Variants in SMOX observed in about 807,000 individuals in gnomAD.
SMOX encodes the protein flavin containing amine oxidase.
SMOX carries 22 observed loss-of-function variants against 51.0 expected under a neutral mutation model. The ratio of observed to expected loss-of-function variants is 0.43; its 90% CI spans 0.31 to 0.62. The LOEUF is 0.62. Ranked by LOEUF, SMOX falls within the 20% of genes least tolerant of loss-of-function variation. The pLI, the probability that SMOX is intolerant of heterozygous loss-of-function variation, is 0.10. For missense variants in SMOX, 566 were observed against 777.7 expected (o/e 0.73, Z 3.24); for synonymous variants, 282 against 307.8 (o/e 0.92, Z 0.88).
chr20:4,174,113 G>T (rs1175479004), intron 1 of SMOX, among the ~76,000 whole-genome samples: 2 of 152,242 alleles, frequency 1.3e-5, no homozygotes, highest in Admixed American at 1.3e-4. Context: ...TAGCAGGCTT[G>T]TTGGATGCAG....
chr20:4,174,815 CCCTT>C (rs1978698254), intron 1 of SMOX, among the ~76,000 whole-genome samples: 1 of 152,190 alleles, frequency 6.6e-6, no homozygotes, highest in Non-Finnish European at 1.5e-5. Context: ...CTTTTCTCCT[CCCTT>C]CCTGCCACCT....
Position 4,166,261 on chromosome 20 carries a change from G to C in SMOX, c.-26-8769G>C, listed in dbSNP as rs895457420. 2.0e-5 allele frequency among the ~76,000 whole-genome samples: 3 copies of C among 152,128 alleles called. No individual in the cohort carries two copies. The highest frequency in any genetic ancestry group is 2.0e-4 in the Admixed American group (3 of 15,274). ...CCTGGGGAAGTAACTGCAGTACCAAGCTCTGTTCTGGCCCATCTCTACCTG... is the reference window on the plus strand; with the variant it reads ...CCTGGGGAAGTAACTGCAGTACCAACCTCTGTTCTGGCCCATCTCTACCTG... On this transcript the variant is annotated intron_variant, in intron 1 of 6. Transcript: ENST00000305958. This position sits in a 1 kb window ranked among gnomAD's most constrained non-coding sequence, Gnocchi z 4.2.
chr20:4,155,416 G>A (rs953597809), intron 1 of SMOX, among the ~76,000 whole-genome samples: 65 of 81,308 alleles, frequency 8.0e-4, no homozygotes, highest in African/African-American at 1.6e-3. Context: ...ACGTGGGAGT[G>A]GGGGGGGCCT....
rs1436184262 is a variant in SMOX, at chr20:4,167,752, C to A, written c.-26-7278C>A. ...CCCTGCTCTGTTCCCCACACCTGTA[C>A]CCCGATTCTCCCACCGTGGCAGCCC... On this transcript the variant is annotated intron_variant, in intron 1 of 6. Coordinates refer to ENST00000305958, the MANE Select transcript of SMOX (RefSeq NM_175839.3). The surrounding 1 kb of genome is among the most constrained non-coding windows in gnomAD (Gnocchi z 4.8). Among the ~76,000 whole-genome samples, 1 of 152,104 alleles carries A rather than the reference C, an allele frequency of 6.6e-6. No homozygotes were observed. Among genetic ancestry groups the A allele is most frequent in the Non-Finnish European group, 1.5e-5 (1 of 68,002 alleles).
chr20:4,181,823 G>A lies in SMOX; in HGVS notation c.456G>A (p.Glu152=), dbSNP rs373808331. The part of the protein sequence containing the change: ...LYNEVYNLTQ[E]FFRHDKPVNA... The stretch of plus-strand genomic sequence containing the variant: ...GGCAGGTCTATAACTTGACCCAGGA[G>A]TTCTTCCGGCACGATAAACCAGTCA... The change falls in exon 4 of 7, where the codon GAG becomes GAA. Residue 152 remains glutamate, a synonymous_variant. Transcript: ENST00000305958. This position sits in a 1 kb window ranked among gnomAD's most constrained non-coding sequence, Gnocchi z 5.6. 2.5e-6 allele frequency: 4 copies of A among 1,613,986 alleles called. No homozygotes were observed. Among genetic ancestry groups the A allele is most frequent in the Non-Finnish European group, 2.5e-6 (3 of 1,180,010 alleles).
At chr20:4,169,532 G>A (rs563521795) in intron 1 of SMOX, among the ~76,000 whole-genome samples, 4 of 152,184 alleles carry the variant, frequency 2.6e-5, no homozygotes, top group African/African-American at 4.8e-5. Flanking sequence ...GGGTTTGGCC[G>A]CGCTCACCTT....
Position 4,177,159 on chromosome 20 carries a change from T to TTA in SMOX, c.209-191_209-190dup, listed in dbSNP as rs1180686305. On this transcript the variant is annotated intron_variant, in intron 2 of 6. Transcript: ENST00000305958. This position sits in a 1 kb window ranked among gnomAD's most constrained non-coding sequence, Gnocchi z 4.3. ...AGAGTCATCCAAGGTGGCAGTTATC[T>TTA]TAGCTATAAGGTGGTTTTCAGTGGG... Among the ~76,000 whole-genome samples the TTA allele has an allele frequency of 6.6e-6, 1 of 152,244 alleles. No individual in the cohort carries two copies. Among genetic ancestry groups the TTA allele is most frequent in the African/African-American group, 2.4e-5 (1 of 41,460 alleles).
chr20:4,151,996 C>A (rs760761769), intron 1 of SMOX, among the ~76,000 whole-genome samples: 2 of 152,064 alleles, frequency 1.3e-5, no homozygotes, highest in Non-Finnish European at 2.9e-5. Flanking sequence ...TTCAAGTGAC[C>A]CTGAGGATTT....
chr20:4,151,599 A>G (rs891226103), intron 1 of SMOX, among the ~76,000 whole-genome samples: 1 of 151,968 alleles, frequency 6.6e-6, no homozygotes, highest in South Asian at 2.1e-4. Flanking sequence ...TGCTTGTGCT[A>G]TCTTTTCTGC....
rs2122549875 is a variant in SMOX at position 4,177,573 on chromosome 20, A to G, written c.431A>G (p.Asn144Ser). The change falls in exon 3 of 7, where the codon AAC becomes AGC. Residue 144 changes from asparagine to serine, a missense_variant. Asn to Ser is a conservative substitution (Grantham distance 46). Around this residue, in one of 3 missense-constraint regions of SMOX, gnomAD observed 217 missense variants for 278.4 expected, o/e 0.78. Coordinates refer to ENST00000305958, the MANE Select transcript of SMOX (RefSeq NM_175839.3). The surrounding 1 kb of genome is among the most constrained non-coding windows in gnomAD (Gnocchi z 4.3). ...DVVEEFSDLY[N>S]EVYNLTQEFF... ...GTTGAGGAATTCAGCGATTTATACA[A>G]CGAGGTAAGGTGTGAGCAGAGTAGC... is the stretch of plus-strand genomic sequence containing the variant. The G allele has an allele frequency of 3.2e-6, 5 of 1,584,384 alleles. No individual in the cohort carries two copies. Among genetic ancestry groups the G allele is most frequent in the Non-Finnish European group, 2.6e-6 (3 of 1,164,012 alleles).
At chr20:4,151,122 G>A (rs1333832485) in intron 1 of SMOX, among the ~76,000 whole-genome samples, 2 of 151,972 alleles carry the variant, frequency 1.3e-5, no homozygotes, top group Non-Finnish European at 2.9e-5. Context: ...GTGAACCACT[G>A]CGCCAGGCCC....
At chr20:4,169,787 C>A (rs531570302) in intron 1 of SMOX, among the ~76,000 whole-genome samples, 3 of 152,096 alleles carry the variant, frequency 2.0e-5, no homozygotes, top group Non-Finnish European at 4.4e-5. Context: ...ACACCCACCC[C>A]GAAATCACAC....
rs1418028535 is a variant in SMOX, at chr20:4,167,481, G to A, written c.-26-7549G>A. 6.6e-6 allele frequency among the ~76,000 whole-genome samples: 1 copy of A among 152,182 alleles called. No homozygotes were observed. The highest frequency in any genetic ancestry group is 1.5e-5 in the Non-Finnish European group (1 of 68,034). ...GTACCTATCCCCATTTTACGGATGGGAAAGCTTGAAGACCAAAGTGAGCCT... is the reference window on the plus strand; with the variant it reads ...GTACCTATCCCCATTTTACGGATGGAAAAGCTTGAAGACCAAAGTGAGCCT... On this transcript the variant is annotated intron_variant, in intron 1 of 6. Transcript: ENST00000305958. The surrounding 1 kb of genome is among the most constrained non-coding windows in gnomAD (Gnocchi z 4.8).
chr20:4,151,281 C>G (rs1985745611), intron 1 of SMOX, among the ~76,000 whole-genome samples: 2 of 151,962 alleles, frequency 1.3e-5, no homozygotes, highest in Admixed American at 1.3e-4. Context: ...CAAGCCAAGC[C>G]AAGCCGCGTA....
chr20:4,180,463 C>T (rs56801538), intron 3 of SMOX, among the ~76,000 whole-genome samples: 2 of 152,332 alleles, frequency 1.3e-5, no homozygotes, highest in East Asian at 1.9e-4. Flanking sequence ...CATTCATCAG[C>T]TCAGCCACAG....
intron 1 of SMOX, among the ~76,000 whole-genome samples, chr20:4,155,259 C>T (rs540605120): frequency 1.4e-4 from 22 of 152,320 alleles, no homozygotes; most frequent in African/African-American, 5.3e-4. Context: ...TCCCCAGCTG[C>T]CGGGCCATCA....
intron 3 of SMOX, among the ~76,000 whole-genome samples, chr20:4,179,102 C>T (rs936599227): frequency 3.3e-5 from 5 of 152,162 alleles, no homozygotes; most frequent in African/African-American, 9.7e-5. Context: ...CAACAAGGTA[C>T]GTTGTGTTGT....
At position 4,181,103 on chromosome 20, in the gene SMOX, C is replaced by G. The variant is rs1308376849; in HGVS notation, c.436-700C>G. ...TTTTCAAGTGACTGATCGTCGTTAT[C>G]TGTTGATGAGGTGTGGGCTGGAGTT... On this transcript the variant is annotated intron_variant, in intron 3 of 6. Transcript: ENST00000305958. The surrounding 1 kb of genome is among the most constrained non-coding windows in gnomAD (Gnocchi z 5.6). Among the ~76,000 whole-genome samples the G allele has an allele frequency of 6.6e-6, 1 of 152,152 alleles. No homozygotes were observed. Among genetic ancestry groups the G allele is most frequent in the Non-Finnish European group, 1.5e-5 (1 of 68,020 alleles).
chr20:4,175,296 C>T (rs1218090165), intron 2 of SMOX, 33 bp downstream of exon 2: 1 of 1,602,120 alleles, frequency 6.2e-7, no homozygotes, highest in Admixed American at 1.7e-5. Context: ...CAGCCACCTC[C>T]CCAGGTCACC....
Sources: allele counts gnomAD v4.1 joint callset (sites outside exome capture counted in the v4.1 genomes callset), GRCh38; gene constraint gnomAD v4.1.1; regional missense constraint gnomAD v4.1.1; non-coding constraint Gnocchi (gnomAD v3.1); transcripts MANE v1.5; gene names NCBI Gene and HGNC (gene_info 2026-07-23, HGNC 2026-07-21).